MARCO: variants seen among roughly 807,000 people sequenced by gnomAD.
The protein encoded by MARCO is macrophage receptor MARCO.
Under a neutral mutation model 70.0 loss-of-function variants are expected in MARCO, and 72 were observed. The ratio of observed to expected loss-of-function variants is 1.03; its 90% CI spans 0.85 to 1.25. MARCO has a LOEUF of 1.25. MARCO is among the 50% of genes most tolerant of loss of function. MARCO has a pLI of 0.00. For missense variants in MARCO, 696 were observed against 659.3 expected, an observed-to-expected ratio of 1.06 and a Z score of -0.61; for synonymous variants, 273 against 243.1, an observed-to-expected ratio of 1.12 and a Z score of -1.14.
chr2:118,968,201 A>C (rs1376857690), intron 1 of MARCO, among the ~76,000 whole-genome samples: 2 of 152,158 alleles, frequency 1.3e-5, no homozygotes, highest in Non-Finnish European at 2.9e-5. Flanking sequence ...ACCCCTAAAC[A>C]AGACAGAGTA....
At chr2:118,992,344 C>T (rs2104614936) in intron 14 of MARCO, 88 bp from the exon 15 acceptor site, 5 of 1,100,194 alleles carry the variant, frequency 4.5e-6, no homozygotes, top group Non-Finnish European at 6.9e-6. Flanking sequence ...ACTCCCAACC[C>T]TCCACCCGCT....
At chr2:118,973,725 G>T (rs369007609) in intron 4 of MARCO, among the ~76,000 whole-genome samples, 7 of 152,150 alleles carry the variant, frequency 4.6e-5, no homozygotes, top group Admixed American at 3.9e-4. Flanking sequence ...GCCTTCCCAC[G>T]CAGGCTGCCT....
intron 4 of MARCO, among the ~76,000 whole-genome samples, chr2:118,973,174 T>C (rs959050922): frequency 2.0e-5 from 3 of 151,930 alleles, no homozygotes; most frequent in African/African-American, 7.3e-5. Context: ...TGAATATAGA[T>C]GTATGTACAC....
At chr2:118,982,884 A>G (rs1680421601) in intron 12 of MARCO, among the ~76,000 whole-genome samples, 1 of 142,408 alleles carries the variant, frequency 7.0e-6, no homozygotes, top group South Asian at 2.2e-4. Context: ...TAATGCCAAC[A>G]GAGTCTAGGT....
At chr2:118,960,484 T>G (rs906974608) in intron 1 of MARCO, among the ~76,000 whole-genome samples, 5 of 152,162 alleles carry the variant, frequency 3.3e-5, no homozygotes, top group Non-Finnish European at 7.4e-5. Flanking sequence ...TTATTTGTTA[T>G]GAGTCATAGT....
chr2:118,958,758 A>G (rs748821172), intron 1 of MARCO, among the ~76,000 whole-genome samples: 1 of 152,230 alleles, frequency 6.6e-6, no homozygotes, highest in Non-Finnish European at 1.5e-5. Context: ...TTCAAACTAT[A>G]CTATAAGGCC....
At chr2:118,946,551 G>T (rs1210774557) in intron 1 of MARCO, among the ~76,000 whole-genome samples, 3 of 152,080 alleles carry the variant, frequency 2.0e-5, no homozygotes, top group Non-Finnish European at 4.4e-5. Context: ...ATATATCAAA[G>T]ATTGTTTAAC....
intron 4 of MARCO, among the ~76,000 whole-genome samples, chr2:118,973,647 G>T (rs950450188): frequency 2.0e-5 from 3 of 152,130 alleles, no homozygotes; most frequent in Non-Finnish European, 2.9e-5. Flanking sequence ...ATAGGTGGGT[G>T]GGGGAGGAGG....
intron 8 of MARCO, among the ~76,000 whole-genome samples, chr2:118,979,466 T>C (rs1380839317): frequency 6.6e-6 from 1 of 152,130 alleles, no homozygotes; most frequent in Non-Finnish European, 1.5e-5. Flanking sequence ...CTGAGGATCC[T>C]TCCAAAGCTG....
intron 1 of MARCO, among the ~76,000 whole-genome samples, chr2:118,956,964 C>T (rs1244278734): frequency 6.6e-6 from 1 of 151,840 alleles, no homozygotes; most frequent in Non-Finnish European, 1.5e-5. Context: ...ATGACACAAC[C>T]TATCAAAACC....
chr2:118,988,078 G>T (rs1354373044), intron 12 of MARCO, among the ~76,000 whole-genome samples: 2 of 152,170 alleles, frequency 1.3e-5, no homozygotes, highest in Admixed American at 1.3e-4. Context: ...CTCTGTAAAG[G>T]AGGGAAATCA....
chr2:118,975,266 C>T (rs199675199), intron 6 of MARCO, among the ~76,000 whole-genome samples: 1 of 152,126 alleles, frequency 6.6e-6, no homozygotes, highest in African/African-American at 2.4e-5. Context: ...TTAGAAACTC[C>T]AACTTGCAAA....
chr2:118,973,495 C>G (rs76249506), intron 4 of MARCO, among the ~76,000 whole-genome samples: 6,536 of 152,260 alleles, frequency 0.043, 490 homozygotes, highest in African/African-American at 0.15. Context: ...GGCTCCTCCT[C>G]GGACACCACC....
At chr2:118,947,373 T>C (rs1679621697) in intron 1 of MARCO, among the ~76,000 whole-genome samples, 1 of 152,176 alleles carries the variant, frequency 6.6e-6, no homozygotes, top group Non-Finnish European at 1.5e-5. Flanking sequence ...TTCACAGGTG[T>C]GATCATAGTG....
chr2:118,957,590 A>G lies in MARCO; in HGVS notation c.98-11570A>G, dbSNP rs149480125. ...TATCAGACATTAAAAGAAGAATACT[A>G]AGGTACCAATCCTTTTGACACTATT... is the stretch of plus-strand genomic sequence containing the variant. On this transcript the variant is annotated intron_variant, in intron 1 of 16. Coordinates refer to ENST00000327097, the MANE Select transcript of MARCO (RefSeq NM_006770.4). Among the ~76,000 whole-genome samples the G allele has an allele frequency of 2.4e-3, 360 of 152,122 alleles. 3 individuals are homozygous for G. The highest frequency in any genetic ancestry group is 8.4e-3 in the African/African-American group (349 of 41,534).
chr2:118,991,168 T>C (rs1396377105), intron 13 of MARCO, among the ~76,000 whole-genome samples: 1 of 152,166 alleles, frequency 6.6e-6, no homozygotes, highest in Non-Finnish European at 1.5e-5. Context: ...GCCCTGCCCC[T>C]GTGAGTGCAA....
chr2:118,994,370 G>C lies in MARCO; in HGVS notation c.1430-17G>C. The C allele has an allele frequency of 6.2e-7, 1 of 1,613,880 alleles. No individual in the cohort carries two copies. Among genetic ancestry groups the C allele is most frequent in the Non-Finnish European group, 8.5e-7 (1 of 1,179,908 alleles). On this transcript the variant is annotated splice_polypyrimidine_tract_variant and intron_variant, in intron 16 of 16. Coordinates refer to ENST00000327097, the MANE Select transcript of MARCO (RefSeq NM_006770.4). ...TCCTACCCTTCTTCCTCTGTCTCTT[G>C]CTTTCTCTCTATCAAGGCACTGGGC...
intron 7 of MARCO, 52 bp from the exon 8 acceptor site, chr2:118,977,776 C>A: frequency 7.1e-7 from 1 of 1,410,808 alleles, no homozygotes. Flanking sequence ...CTCTGGTAGC[C>A]TGTCCCCAAA....
intron 4 of MARCO, among the ~76,000 whole-genome samples, chr2:118,973,022 T>G (rs769229068): frequency 1.6e-4 from 25 of 152,188 alleles, no homozygotes; most frequent in Non-Finnish European, 2.9e-4. Context: ...TCTCTCTCTC[T>G]GTCTCTCTGA....
Sources: allele counts gnomAD v4.1 joint callset (sites outside exome capture counted in the v4.1 genomes callset), GRCh38; gene constraint gnomAD v4.1.1; transcripts MANE v1.5; gene names NCBI Gene and HGNC (gene_info 2026-07-23, HGNC 2026-07-21).